OLFM1: variants seen among roughly 807,000 people sequenced by gnomAD.
OLFM1 encodes the protein olfactomedin 1.
In OLFM1, 9 loss-of-function variants were observed where a neutral mutation model predicts 49.7. The ratio of observed to expected loss-of-function variants is 0.18; its 90% CI spans 0.11 to 0.32. The LOEUF is 0.32. Ranked by LOEUF, OLFM1 falls within the 10% of genes least tolerant of loss-of-function variation. OLFM1 has a pLI of 1.00. For synonymous variants in OLFM1, 240 were observed against 271.8 expected (o/e 0.88, Z 1.15); for missense variants, 369 against 661.8 (o/e 0.56, Z 4.85).
At position 135,120,137 on chromosome 9, in the gene OLFM1, A is replaced by G. The variant is rs748840969; in HGVS notation, c.1417A>G (p.Asn473Asp). 1 of 1,613,722 alleles carries G rather than the reference A, an allele frequency of 6.2e-7. No homozygotes were observed. The highest frequency in any genetic ancestry group is 1.7e-5 in the Admixed American group (1 of 59,998). ...AWNNGHQILY[N>D]VTLFHVIRSD... ...GAACAACGGCCACCAGATCCTCTAC[A>G]ACGTGACCCTCTTCCACGTCATCCG... Residue 473 changes from asparagine (N) to aspartate (D), a missense_variant, in exon 6 of 6, where the codon AAC becomes GAC. Asn to Asp is a conservative substitution (Grantham distance 23). Around this residue, in one of 3 missense-constraint regions of OLFM1, gnomAD observed 294 missense variants for 567.5 expected, o/e 0.52. Transcript: ENST00000371793.
rs1830521867 is a variant in OLFM1 at position 135,080,718 on chromosome 9, A to G, written c.96+4916A>G. Among the ~76,000 whole-genome samples the G allele has an allele frequency of 6.6e-6, 1 of 152,186 alleles. No homozygotes were observed. Among genetic ancestry groups the G allele is most frequent in the African/African-American group, 2.4e-5 (1 of 41,436 alleles). On this transcript the variant is annotated intron_variant, in intron 1 of 5. Transcript: ENST00000252854. The surrounding 1 kb of genome is among the most constrained non-coding windows in gnomAD (Gnocchi z 4.5). ...TAATCAGTATTAACATCACCGTGTA[A>G]AGTAATACAAAACTAATTACTAGCT...
chr9:135,079,478 G>A (rs572803253), intron 1 of OLFM1, among the ~76,000 whole-genome samples: 10 of 152,238 alleles, frequency 6.6e-5, no homozygotes, highest in East Asian at 1.9e-4. Flanking sequence ...GGTGGCAGAC[G>A]CCTATAATCC....
intron 5 of OLFM1, among the ~76,000 whole-genome samples, chr9:135,109,710 T>C (rs1830995811): frequency 6.6e-6 from 1 of 151,194 alleles, no homozygotes; most frequent in Non-Finnish European, 1.5e-5. Context: ...GCCCAATAAC[T>C]CGCTCCAAAA....
At chr9:135,084,449 C>CT (rs1564267041), upstream of OLFM1, among the ~76,000 whole-genome samples, 285 of 145,762 alleles carry the variant, frequency 2.0e-3, 20 homozygotes, top group African/African-American at 6.8e-3. This position sits in a 1 kb window ranked among gnomAD's most constrained non-coding sequence, Gnocchi z 4.6. Flanking sequence ...TATTATCTCT[C>CT]CTCTCTGTCT....
In OLFM1 at chr9:135,076,791, C is replaced by G. The variant is rs1175354933; in HGVS notation, c.96+989C>G. On this transcript the variant is annotated intron_variant, in intron 1 of 5. Coordinates refer to the OLFM1 transcript ENST00000252854. Reference sequence around the variant, plus strand: ...TGCCCCTGACCCTTCTTTCCTTCCTCCCTTCCTCCATCTCCCTCAGAATAA... The same window carrying G: ...TGCCCCTGACCCTTCTTTCCTTCCTGCCTTCCTCCATCTCCCTCAGAATAA... 7.9e-6 allele frequency: 12 copies of G among 1,521,230 alleles called. No homozygotes were observed. The Admixed American group carries it at 1.2e-4, about 15-fold the overall frequency. The allele number at this position is 1,521,230 out of a possible 1,614,324, so 94.2% of individuals were successfully genotyped here.
intron 4 of OLFM1, among the ~76,000 whole-genome samples, chr9:135,102,923 A>G (rs1432501648): frequency 2.0e-5 from 3 of 152,098 alleles, no homozygotes; most frequent in Non-Finnish European, 4.4e-5. Flanking sequence ...GGCCTGTTCT[A>G]TGAGATCGTC....
rs531636648 is a variant in OLFM1 at position 135,117,714 on chromosome 9, G to A, written c.784-1790G>A. Among the ~76,000 whole-genome samples, 264 of 152,332 alleles carry A rather than the reference G, an allele frequency of 1.7e-3. 1 individual carries two copies. The highest frequency in any genetic ancestry group is 3.9e-3 in the Admixed American group (59 of 15,308). ...GTATGGCAGTGAACAGATAGGTGCA[G>A]CTGCTGCCCCACAACCTGGTGTCAT... On this transcript the variant is annotated intron_variant, in intron 5 of 5. Coordinates refer to ENST00000371793, the MANE Select transcript of OLFM1 (RefSeq NM_001282611.2). The surrounding 1 kb of genome is among the most constrained non-coding windows in gnomAD (Gnocchi z 5.5).
In OLFM1 at chr9:135,113,258, GC is replaced by G. The variant is rs1269154481; in HGVS notation, c.784-6241del. ...CATCCTGGGCTAGTCCGGAGGCCAAGCCCCCTGTGGTCTCGGTTTTCAGATG... is the reference window on the plus strand; with the variant it reads ...CATCCTGGGCTAGTCCGGAGGCCAAGCCCCTGTGGTCTCGGTTTTCAGATG... On this transcript the variant is annotated intron_variant, in intron 5 of 5. Transcript: ENST00000371793. The surrounding 1 kb of genome is among the most constrained non-coding windows in gnomAD (Gnocchi z 4.0). Among the ~76,000 whole-genome samples the G allele has an allele frequency of 6.6e-6, 1 of 152,102 alleles. No homozygotes were observed. The highest frequency in any genetic ancestry group is 1.5e-5 in the Non-Finnish European group (1 of 68,026).
At chr9:135,109,423 G>A (rs1830991242) in intron 5 of OLFM1, among the ~76,000 whole-genome samples, 1 of 152,150 alleles carries the variant, frequency 6.6e-6, no homozygotes, top group African/African-American at 2.4e-5. Context: ...AAGAGGCTCT[G>A]ATGGTGGGTA....
chr9:135,083,500 G>A (rs903301918), upstream of OLFM1, among the ~76,000 whole-genome samples: 4 of 152,186 alleles, frequency 2.6e-5, no homozygotes, highest in Admixed American at 1.3e-4. Context: ...ACGTCCCCCA[G>A]CAACAGCCAT....
intron 1 of OLFM1, chr9:135,075,901 C>G (rs979958915): frequency 2.8e-6 from 4 of 1,428,324 alleles, no homozygotes; most frequent in Non-Finnish European, 3.7e-6. Context: ...CCGCGCCGCC[C>G]CGCGCCCCCG....
intron 5 of OLFM1, among the ~76,000 whole-genome samples, chr9:135,119,262 C>G (rs189806877): frequency 1.2e-3 from 174 of 150,016 alleles, no homozygotes; most frequent in Non-Finnish European, 2.0e-3. Context: ...CTCACTGGGT[C>G]TTTGGAAGTG....
upstream of OLFM1, among the ~76,000 whole-genome samples, chr9:135,084,421 GTCTCTCCTCTCTGTCTCTATTA>G (rs1347019227): frequency 7.5e-6 from 1 of 132,648 alleles, no homozygotes; most frequent in South Asian, 2.5e-4. The surrounding 1 kb of genome is among the most constrained non-coding windows in gnomAD (Gnocchi z 4.6). Context: ...TCTCTCTTCT[GTCTCTCCTCTCTGTCTCTATTA>G]TCTCTCCTCT....
At position 135,088,170 on chromosome 9, in the gene OLFM1, GCTCCTCCTC is replaced by G. The variant is rs760836918; in HGVS notation, c.150+45_150+53del. Reference sequence around the variant, plus strand: ...TGCGCCCGCCGGCCGCCTTGGCGCGGCTCCTCCTCCTCCTCCTCCTCCCCCTCCTCGGTC... The same window carrying G: ...TGCGCCCGCCGGCCGCCTTGGCGCGGCTCCTCCTCCTCCCCCTCCTCGGTC... On this transcript the variant is annotated intron_variant, in intron 1 of 5. Coordinates refer to ENST00000371793, the MANE Select transcript of OLFM1 (RefSeq NM_001282611.2). This position sits in a 1 kb window ranked among gnomAD's most constrained non-coding sequence, Gnocchi z 4.8. The G allele has an allele frequency of 6.2e-6, 8 of 1,298,278 alleles. No individual in the cohort carries two copies. In the Admixed American group the frequency reaches 2.6e-4, roughly 42 times the overall value. 80.4% of individuals were successfully genotyped at this position (1,298,278 alleles called of 1,614,324 possible).
At chr9:135,091,554 C>G (rs1249459495) in intron 2 of OLFM1, among the ~76,000 whole-genome samples, 1 of 89,712 alleles carries the variant, frequency 1.1e-5, no homozygotes, top group Admixed American at 9.1e-5. Flanking sequence ...TAGTCACACA[C>G]TCATAGTCAC....
chr9:135,086,677 C>A (rs1300248011), upstream of OLFM1: 1 of 456,080 alleles, frequency 2.2e-6, no homozygotes, highest in Non-Finnish European at 4.4e-6. Context: ...GCCCTATTAA[C>A]GTGTTTGACC....
At chr9:135,099,666 T>C (rs1020047278) in intron 4 of OLFM1, among the ~76,000 whole-genome samples, 1 of 152,134 alleles carries the variant, frequency 6.6e-6, no homozygotes, top group African/African-American at 2.4e-5. Context: ...CAATAAGAAA[T>C]GCTTGGAGTC....
chr9:135,097,933 T>A lies in OLFM1; in HGVS notation c.457-353T>A, dbSNP rs1830822008. ...CACCATTTCACTAAGGAACCTTGAA[T>A]ACAACCAGGATCCTCCTTTGCATGC... On this transcript the variant is annotated intron_variant, in intron 3 of 5. Transcript: ENST00000371793. The A allele has an allele frequency of 4.7e-6, 7 of 1,493,932 alleles. No homozygotes were observed. In the South Asian group the frequency reaches 9.6e-5, roughly 20 times the overall value. 92.5% of individuals were successfully genotyped at this position (1,493,932 alleles called of 1,614,324 possible).
chr9:135,099,559 G>A (rs1471607689), intron 4 of OLFM1, among the ~76,000 whole-genome samples: 1 of 152,150 alleles, frequency 6.6e-6, no homozygotes, highest in African/African-American at 2.4e-5. Context: ...CAAACCCTTG[G>A]TTTCCCAGGT....
Sources: gnomAD v4.1 joint callset for allele counts (sites outside exome capture counted in the v4.1 genomes callset) on GRCh38, gnomAD v4.1.1 for gene constraint, gnomAD v4.1.1 regional missense constraint, Gnocchi (gnomAD v3.1) non-coding constraint, MANE v1.5 for transcripts, NCBI Gene and HGNC (gene_info 2026-07-23, HGNC 2026-07-21) for gene names.